The following DMD variants were observed in gnomAD, a reference collection of about 807,000 sequenced individuals.
The protein encoded by DMD is dystrophin.
In DMD, 63 loss-of-function variants were observed where a neutral mutation model predicts 330.1. The ratio of observed to expected loss-of-function variants is 0.19; its 90% CI spans 0.16 to 0.24. DMD has a LOEUF of 0.24. DMD is among the 10% of genes least tolerant of loss of function. The pLI, the probability that DMD is intolerant of heterozygous loss-of-function variation, is 1.00. For missense variants in DMD, 3,344 were observed against 2,684.1 expected (o/e 1.25, Z -5.43); for synonymous variants, 1,223 against 959.8 (o/e 1.27, Z -5.07).
At chrX:33,235,305 T>A (rs2148885161) in intron 1 of DMD, among the ~76,000 whole-genome samples, 1 of 111,974 alleles carries the variant, frequency 8.9e-6, no homozygotes, top group Admixed American at 9.5e-5. Context: ...AAGCTAGAAA[T>A]GACTGCCTTC....
chrX:32,075,331 G>A (rs769858838), intron 44 of DMD, among the ~76,000 whole-genome samples: 4 of 111,756 alleles, frequency 3.6e-5, no homozygotes, highest in African/African-American at 1.3e-4. Context: ...TACAGAGTGC[G>A]TGCCTAGGTT....
At chrX:32,499,920 A>G (rs1442177979) in intron 19 of DMD, among the ~76,000 whole-genome samples, 1 of 111,633 alleles carries the variant, frequency 9.0e-6, no homozygotes, top group East Asian at 2.8e-4. Context: ...ACAAATAGAT[A>G]AGTTAGAATA....
intron 34 of DMD, among the ~76,000 whole-genome samples, chrX:32,368,089 C>T (rs6631560): frequency 0.42 from 46,215 of 110,163 alleles, 7,428 homozygotes; most frequent in East Asian, 0.71. Flanking sequence ...AGAAATAAGA[C>T]TTAAATAAGA....
chrX:31,542,931 G>A lies in DMD; in HGVS notation c.8218-35478C>T, dbSNP rs996301223. On this transcript the variant is annotated intron_variant, in intron 55 of 78. Transcript: ENST00000357033. ...GAAACCTTTCTCTGCTTCTTTTTAGGTATCTAGCTAGACTTCATTTTCCAG... is the reference window on the plus strand; with the variant it reads ...GAAACCTTTCTCTGCTTCTTTTTAGATATCTAGCTAGACTTCATTTTCCAG... Among the ~76,000 whole-genome samples, 49 of 111,972 alleles carry A rather than the reference G, an allele frequency of 4.4e-4. 1 individual carries two copies. Among genetic ancestry groups the A allele is most frequent in the Non-Finnish European group, 3.8e-5 (2 of 53,162 alleles).
intron 2 of DMD, among the ~76,000 whole-genome samples, chrX:32,991,280 A>G (rs1249212858): frequency 4.5e-5 from 5 of 111,187 alleles, no homozygotes; most frequent in Admixed American, 1.9e-4. Context: ...TCAAAAGTGC[A>G]ATCGTTTTCT....
chrX:32,665,645 T>A (rs1330541082), intron 9 of DMD, among the ~76,000 whole-genome samples: 2 of 111,135 alleles, frequency 1.8e-5, no homozygotes, highest in Non-Finnish European at 3.8e-5. Flanking sequence ...AACCTACAAG[T>A]AAGCAAAAAA....
intron 2 of DMD, among the ~76,000 whole-genome samples, chrX:33,005,175 G>A (rs1412264709): frequency 9.2e-6 from 1 of 108,762 alleles, no homozygotes; most frequent in Non-Finnish European, 1.9e-5. Context: ...ATTAATGGAG[G>A]TAGCTGTAGT....
Position 32,093,100 on chromosome X carries a change from A to T in DMD, c.6438+123816T>A, listed in dbSNP as rs2096486525. Among the ~76,000 whole-genome samples, 4 of 112,203 alleles carry T rather than the reference A, an allele frequency of 3.6e-5. No homozygotes were observed. The South Asian group carries it at 1.4e-3, about 41-fold the overall frequency. Reference sequence around the variant, plus strand: ...TGAAATAAGTTAAATATAATGGAAAAAATAATTTCTTACTTTAATAGTCAC... The same window carrying T: ...TGAAATAAGTTAAATATAATGGAAATAATAATTTCTTACTTTAATAGTCAC... On this transcript the variant is annotated intron_variant, in intron 44 of 78. Transcript: ENST00000357033.
intron 52 of DMD, among the ~76,000 whole-genome samples, chrX:31,686,209 T>C (rs924764717): frequency 3.6e-5 from 4 of 112,588 alleles, no homozygotes; most frequent in African/African-American, 1.3e-4. Flanking sequence ...CAAACTAGTG[T>C]TTGGCATTTG....
intron 55 of DMD, among the ~76,000 whole-genome samples, chrX:31,553,809 G>T (rs2074637908): frequency 8.9e-6 from 1 of 112,209 alleles, no homozygotes; most frequent in South Asian, 3.7e-4. Context: ...AATCTTAAAG[G>T]CTTGTAGAAT....
intron 42 of DMD, among the ~76,000 whole-genome samples, chrX:32,301,500 T>C (rs752256142): frequency 9.0e-6 from 1 of 110,967 alleles, no homozygotes; most frequent in South Asian, 3.7e-4. Flanking sequence ...GTACAAGTCA[T>C]TGTATTAAAC....
At chrX:32,419,746 C>T (rs1023478993) in intron 29 of DMD, among the ~76,000 whole-genome samples, 2 of 111,515 alleles carry the variant, frequency 1.8e-5, no homozygotes, top group African/African-American at 6.5e-5. Context: ...AGGAACTTCA[C>T]CTGTTTTAGG....
At chrX:32,530,963 G>T (rs2047420292) in intron 17 of DMD, among the ~76,000 whole-genome samples, 1 of 111,418 alleles carries the variant, frequency 9.0e-6, no homozygotes, top group South Asian at 3.7e-4. Context: ...AAACCCAAAA[G>T]CTGCCTATGT....
chrX:31,752,839 G>C (rs2149134353), intron 51 of DMD, among the ~76,000 whole-genome samples: 1 of 111,305 alleles, frequency 9.0e-6, no homozygotes, highest in East Asian at 2.8e-4. Flanking sequence ...CTTCTTCCCA[G>C]CTGTCTTCCT....
intron 44 of DMD, among the ~76,000 whole-genome samples, chrX:32,130,093 G>A (rs1173013375): frequency 1.8e-5 from 2 of 109,364 alleles, no homozygotes; most frequent in East Asian, 5.7e-4. Context: ...TATAGGTCAG[G>A]GACGTCTTTA....
chrX:31,146,323 C>T lies in DMD; in HGVS notation c.10889G>A (p.Arg3630Gln), dbSNP rs1057522606. The T allele has an allele frequency of 6.6e-6, 8 of 1,209,282 alleles. No individual in the cohort carries two copies. Among genetic ancestry groups the T allele is most frequent in the Non-Finnish European group, 8.9e-6 (8 of 894,733 alleles). The change falls in exon 76 of 79, where the codon CGA becomes CAA. Residue 3630 changes from arginine to glutamine, a missense_variant. Transcript: ENST00000357033. ...GTCCGAAGTTTGACTGCCAACCACT[C>T]GGAGCAGCATAGGCTGACTGCTGTC... ...RSDSSQPMLL[R>Q]VVGSQTSDSM...
chrX:33,048,839 T>C (rs1284502386), intron 1 of DMD, among the ~76,000 whole-genome samples: 1 of 110,671 alleles, frequency 9.0e-6, no homozygotes, highest in Non-Finnish European at 1.9e-5. Flanking sequence ...AAGAAAAGTA[T>C]TGCCAGAGCT....
chrX:32,380,777 A>T, intron 33 of DMD, 97 bp from the exon 34 acceptor site: 1 of 675,641 alleles, frequency 1.5e-6, no homozygotes, highest in Non-Finnish European at 2.2e-6. Context: ...TGTTATTTAA[A>T]ATAACTATTT....
At chrX:33,235,420 C>A (rs111671288) in intron 1 of DMD, among the ~76,000 whole-genome samples, 1,159 of 111,718 alleles carry the variant, frequency 0.01, 16 homozygotes, top group African/African-American at 0.036. Context: ...TTAATTGATT[C>A]TGAGATGACA....
Sources: gnomAD v4.1 joint callset for allele counts (sites outside exome capture counted in the v4.1 genomes callset) on GRCh38, gnomAD v4.1.1 for gene constraint, MANE v1.5 for transcripts, NCBI Gene and HGNC (gene_info 2026-07-23, HGNC 2026-07-21) for gene names.